PTPN11: variants seen among roughly 807,000 people sequenced by gnomAD.
PTPN11 encodes the protein tyrosine-protein phosphatase non-receptor type 11.
Under a neutral mutation model 78.8 loss-of-function variants are expected in PTPN11, and 6 were observed. That is an observed-to-expected ratio of 0.08 (90% confidence interval 0.04 to 0.15). PTPN11 has a LOEUF of 0.15. PTPN11 is among the 10% of genes least tolerant of loss of function. The pLI is 1.00. For missense variants in PTPN11, 386 were observed against 744.8 expected, an observed-to-expected ratio of 0.52 and a Z score of 5.61; for synonymous variants, 221 against 263.5, an observed-to-expected ratio of 0.84 and a Z score of 1.56.
At chr12:112,439,784 T>A (rs112546406) in intron 1 of PTPN11, among the ~76,000 whole-genome samples, 2,108 of 131,570 alleles carry the variant, frequency 0.016, 56 homozygotes, top group African/African-American at 0.057. Context: ...TGTCCTTTTT[T>A]AAAAAAAAAA....
intron 10 of PTPN11, among the ~76,000 whole-genome samples, chr12:112,485,111 A>G (rs1345764240): frequency 6.6e-6 from 1 of 151,868 alleles, no homozygotes; most frequent in Non-Finnish European, 1.5e-5. Context: ...AATTAGCTGG[A>G]TGTGGTACAT....
intron 13 of PTPN11, among the ~76,000 whole-genome samples, chr12:112,495,666 A>G (rs1011417219): frequency 1.3e-5 from 2 of 152,222 alleles, no homozygotes; most frequent in Admixed American, 1.3e-4. Flanking sequence ...TGAAAATATC[A>G]TAAGTCAAAA....
intron 13 of PTPN11, among the ~76,000 whole-genome samples, chr12:112,496,467 T>A (rs1365722498): frequency 6.6e-6 from 1 of 152,178 alleles, no homozygotes; most frequent in Non-Finnish European, 1.5e-5. Context: ...TCTCAGCAGA[T>A]AGAGCTAGAA....
Position 112,506,891 on chromosome 12 carries a change from G to T in PTPN11, c.*1099G>T. On this transcript the variant is annotated 3_prime_UTR_variant, in exon 16 of 16. Coordinates refer to ENST00000351677, the MANE Select transcript of PTPN11 (RefSeq NM_002834.5). The stretch of plus-strand genomic sequence containing the variant: ...AGAGCTCAAAAGCAGAAATGGCCAG[G>T]CCTTCTGAAAACTTAAGTCCAGAAT... The T allele has an allele frequency of 5.2e-6, 1 of 192,912 alleles. No individual in the cohort carries two copies. Among genetic ancestry groups the T allele is most frequent in the Non-Finnish European group, 1.1e-5 (1 of 92,118 alleles). 12.0% of individuals were successfully genotyped at this position (192,912 alleles called of 1,614,324 possible). A position where few individuals can be genotyped will look rare whatever the true frequency, so the allele number is the denominator to read the frequency against.
At chr12:112,425,944 G>C (rs1288733908) in intron 1 of PTPN11, among the ~76,000 whole-genome samples, 1 of 152,034 alleles carries the variant, frequency 6.6e-6, no homozygotes, top group Non-Finnish European at 1.5e-5. Flanking sequence ...GGGCTCAAGC[G>C]ATTCTCCCCA....
chr12:112,431,157 C>T (rs1443420482), intron 1 of PTPN11, among the ~76,000 whole-genome samples: 1 of 152,232 alleles, frequency 6.6e-6, no homozygotes. Context: ...TAGGAGAGAG[C>T]AGTGATGGGG....
intron 1 of PTPN11, among the ~76,000 whole-genome samples, chr12:112,436,735 G>A (rs982659181): frequency 1.3e-5 from 2 of 149,314 alleles, no homozygotes; most frequent in African/African-American, 4.9e-5. Flanking sequence ...GCTGAGAATA[G>A]CACTGAACTC....
chr12:112,452,492 T>C (rs983434084), intron 3 of PTPN11, among the ~76,000 whole-genome samples: 1 of 151,864 alleles, frequency 6.6e-6, no homozygotes, highest in South Asian at 2.1e-4. Context: ...TCCCAAAGTG[T>C]TGGGATTACA....
intron 9 of PTPN11, among the ~76,000 whole-genome samples, chr12:112,479,555 C>T (rs940835104): frequency 7.9e-5 from 12 of 152,172 alleles, no homozygotes; most frequent in Non-Finnish European, 1.5e-5. Flanking sequence ...TTTCCTTCAG[C>T]AAATGCCTGT....
At chr12:112,449,812 T>TCTCA (rs1360289727) in intron 2 of PTPN11, among the ~76,000 whole-genome samples, 1 of 152,072 alleles carries the variant, frequency 6.6e-6, no homozygotes, top group East Asian at 1.9e-4. Flanking sequence ...ACGCCTGTAA[T>TCTCA]CTCAGCACTT....
intron 9 of PTPN11, 108 bp downstream of exon 9, chr12:112,478,123 TTCTCTGG>T: frequency 7.7e-7 from 1 of 1,303,130 alleles, no homozygotes; most frequent in Non-Finnish European, 1.1e-6. Context: ...CTGTAACTGA[TTCTCTGG>T]AAAAAAGGGA....
chr12:112,439,750 G>A (rs1662962559), intron 1 of PTPN11, among the ~76,000 whole-genome samples: 1 of 149,606 alleles, frequency 6.7e-6, no homozygotes, highest in Non-Finnish European at 1.5e-5. Context: ...GATTACAGGT[G>A]TGAGCCACCA....
At chr12:112,424,988 G>A (rs1024777034) in intron 1 of PTPN11, among the ~76,000 whole-genome samples, 27 of 144,256 alleles carry the variant, frequency 1.9e-4, no homozygotes, top group African/African-American at 7.6e-4. Flanking sequence ...GTGTGTGTGT[G>A]TGTGTGTGTG....
At chr12:112,479,130 C>T (rs1294019962) in intron 9 of PTPN11, among the ~76,000 whole-genome samples, 1 of 152,140 alleles carries the variant, frequency 6.6e-6, no homozygotes, top group Non-Finnish European at 1.5e-5. Context: ...ACTCATTACT[C>T]CATACTCTTC....
intron 13 of PTPN11, among the ~76,000 whole-genome samples, chr12:112,496,429 T>G (rs1282454009): frequency 6.6e-6 from 1 of 152,196 alleles, no homozygotes; most frequent in Non-Finnish European, 1.5e-5. Context: ...GTGTGCTCAT[T>G]GCTACTGGAA....
In PTPN11 at chr12:112,477,870, C is replaced by T. The variant is rs547041954; in HGVS notation, c.947C>T (p.Thr316Ile). ...CTAAATTTCTAGCCTGAATTTGAAA[C>T]CAAGTGCAACAATTCAAAGCCCAAA... ...NANIIMPEFE[T>I]KCNNSKPKKS... The change falls in exon 9 of 16, where the codon ACC becomes ATC. Residue 316 changes from threonine to isoleucine, a missense_variant. Coordinates refer to ENST00000351677, the MANE Select transcript of PTPN11 (RefSeq NM_002834.5). 1.2e-6 allele frequency: 2 copies of T among 1,614,132 alleles called. No homozygotes were observed. Among genetic ancestry groups the T allele is most frequent in the African/African-American group, 1.3e-5 (1 of 75,038 alleles).
chr12:112,431,088 C>G (rs2037705735), intron 1 of PTPN11, among the ~76,000 whole-genome samples: 1 of 152,194 alleles, frequency 6.6e-6, no homozygotes, highest in Admixed American at 6.5e-5. Flanking sequence ...GAGTTGGAGT[C>G]ATCCTTGACA....
At chr12:112,469,874 G>A (rs556154045) in intron 6 of PTPN11, among the ~76,000 whole-genome samples, 1 of 152,106 alleles carries the variant, frequency 6.6e-6, no homozygotes, top group African/African-American at 2.4e-5. Flanking sequence ...TCAGTTTAAA[G>A]AAACAAATGA....
At chr12:112,464,098 T>A (rs1203976750) in intron 6 of PTPN11, among the ~76,000 whole-genome samples, 1 of 152,240 alleles carries the variant, frequency 6.6e-6, no homozygotes, top group African/African-American at 2.4e-5. Context: ...TCTTACAGTG[T>A]GCTCTGATAG....
Sources: gnomAD v4.1 joint callset for allele counts (sites outside exome capture counted in the v4.1 genomes callset) on GRCh38, gnomAD v4.1.1 for gene constraint, MANE v1.5 for transcripts, NCBI Gene and HGNC (gene_info 2026-07-23, HGNC 2026-07-21) for gene names.